RUBCN: variants seen among roughly 807,000 people sequenced by gnomAD.
The protein encoded by RUBCN is run domain Beclin-1-interacting and cysteine-rich domain-containing protein.
A neutral mutation model predicts 113.2 loss-of-function variants in RUBCN; 74 were observed. The ratio of observed to expected loss-of-function variants is 0.65; its 90% CI spans 0.54 to 0.79. RUBCN has a LOEUF of 0.79. RUBCN is among the 30% of genes least tolerant of loss of function. The pLI, the probability that RUBCN is intolerant of heterozygous loss-of-function variation, is 0.00. For missense variants in RUBCN, 1,109 were observed against 1,251.7 expected (o/e 0.89, Z 1.72); for synonymous variants, 480 against 490.0 (o/e 0.98, Z 0.27).
Position 197,681,020 on chromosome 3 carries a change from G to A in RUBCN, c.2430+109C>T, listed in dbSNP as rs1285837445. 1.5e-6 allele frequency: 1 copy of A among 649,430 alleles called. No homozygotes were observed. The highest frequency in any genetic ancestry group is 2.8e-6 in the Non-Finnish European group (1 of 358,090). 40.2% of individuals were successfully genotyped at this position (649,430 alleles called of 1,614,324 possible). ...GAGGAGACGAGGGGAGGGGATGGGG[G>A]GAGGGGACAAGAGGAGGGGATGGGG... On this transcript the variant is annotated intron_variant, in intron 16 of 19. Transcript: ENST00000296343. This position sits in a 1 kb window ranked among gnomAD's most constrained non-coding sequence, Gnocchi z 5.5.
rs1351934052 is a variant in RUBCN at position 197,675,407 on chromosome 3, T to G, written c.2740+15A>C. 1 of 1,607,686 alleles carries G rather than the reference T, an allele frequency of 6.2e-7. No homozygotes were observed. Among genetic ancestry groups the G allele is most frequent in the Non-Finnish European group, 8.5e-7 (1 of 1,174,598 alleles). On this transcript the variant is annotated intron_variant, in intron 19 of 19. Coordinates refer to ENST00000296343, the MANE Select transcript of RUBCN (RefSeq NM_014687.4). The surrounding 1 kb of genome is among the most constrained non-coding windows in gnomAD (Gnocchi z 4.4). ...TGTTCAGGCTCACTTGCCCGATGCC[T>G]GCACCTGCCCTCACCTTCACAGGTC...
chr3:197,672,402 C>T lies in RUBCN; in HGVS notation c.*2616G>A, dbSNP rs528465406. ...GGTAACTTGCAAAGTGCTTCCAAAA[C>T]ATCCCATCCTCTACCCACTTCCCCC... On this transcript the variant is annotated 3_prime_UTR_variant, in exon 20 of 20. Coordinates refer to ENST00000296343, the MANE Select transcript of RUBCN (RefSeq NM_014687.4). 1 of 152,332 alleles carries T rather than the reference C, an allele frequency of 6.6e-6. No homozygotes were observed. Among genetic ancestry groups the T allele is most frequent in the Admixed American group, 6.5e-5 (1 of 15,302 alleles). 9.4% of individuals were successfully genotyped at this position (152,332 alleles called of 1,614,324 possible).
chr3:197,726,730 C>T (rs553014079), intron 1 of RUBCN, among the ~76,000 whole-genome samples: 87 of 151,442 alleles, frequency 5.7e-4, no homozygotes, highest in African/African-American at 1.7e-3. Context: ...TTAGTAGAGA[C>T]GGGGTTTCAC....
At chr3:197,702,299 A>G (rs1325083910) in intron 5 of RUBCN, among the ~76,000 whole-genome samples, 2 of 152,262 alleles carry the variant, frequency 1.3e-5, no homozygotes, top group Non-Finnish European at 2.9e-5. Flanking sequence ...ATGACATGAT[A>G]CATTTATCAT....
intron 12 of RUBCN, 144 bp downstream of exon 12, chr3:197,684,013 G>A (rs949870169): frequency 1.7e-5 from 11 of 656,710 alleles, no homozygotes; most frequent in East Asian, 1.1e-4. Context: ...CCGTGGGCTC[G>A]GCACCATCAG....
At chr3:197,697,674 G>A (rs967909845) in intron 7 of RUBCN, among the ~76,000 whole-genome samples, 5 of 152,302 alleles carry the variant, frequency 3.3e-5, no homozygotes, top group Middle Eastern at 3.4e-3. Context: ...GGAAGAGCGA[G>A]AGCTGGGAGG....
At position 197,700,942 on chromosome 3, in the gene RUBCN, T is replaced by A; in HGVS notation, c.932A>T (p.Gln311Leu). The change falls in exon 7 of 20, where the codon CAG becomes CTG. Residue 311 changes from glutamine (Q) to leucine (L), a missense_variant. This residue lies in a region of RUBCN where 736 missense variants were observed against 779.6 expected (regional missense o/e 0.94). Transcript: ENST00000296343. ...ACTGGCATCACCTGGGGAATCATTCTGGCTGCTGACCCAGGATGCCTCTAT... is the reference window on the plus strand; with the variant it reads ...ACTGGCATCACCTGGGGAATCATTCAGGCTGCTGACCCAGGATGCCTCTAT... ...SPIEASWVSS[Q>L]NDSPGDASEG... The A allele has an allele frequency of 6.2e-7, 1 of 1,614,238 alleles. No individual in the cohort carries two copies. The highest frequency in any genetic ancestry group is 1.1e-5 in the South Asian group (1 of 91,084).
At chr3:197,735,703 C>T (rs1188532209) in intron 1 of RUBCN, among the ~76,000 whole-genome samples, 3 of 152,022 alleles carry the variant, frequency 2.0e-5, no homozygotes, top group Admixed American at 6.6e-5. Flanking sequence ...GTGATCCTCT[C>T]GCCTCAGCCT....
Position 197,700,743 on chromosome 3 carries a change from C to T in RUBCN, c.1131G>A (p.Glu377=). ...SSLGDQEGGG[E]SQLSSVLRRS... Reference sequence around the variant, plus strand: ...TGCGGAGGACACTGGACAGCTGGCTCTCCCCACCTCCTTCCTGGTCCCCTA... The same window carrying T: ...TGCGGAGGACACTGGACAGCTGGCTTTCCCCACCTCCTTCCTGGTCCCCTA... The change falls in exon 7 of 20, where the codon GAG becomes GAA. Residue 377 remains glutamate, a synonymous_variant. Coordinates refer to ENST00000296343, the MANE Select transcript of RUBCN (RefSeq NM_014687.4). The T allele has an allele frequency of 6.2e-7, 1 of 1,614,222 alleles. No individual in the cohort carries two copies. Among genetic ancestry groups the T allele is most frequent in the East Asian group, 2.2e-5 (1 of 44,886 alleles).
At chr3:197,677,215 G>C (rs554579377) in intron 17 of RUBCN, among the ~76,000 whole-genome samples, 177 bp from the exon 18 acceptor site, 12 of 152,366 alleles carry the variant, frequency 7.9e-5, no homozygotes, top group Non-Finnish European at 7.3e-5. Context: ...TGGCAGGAGT[G>C]ACTGATTTAT....
At chr3:197,721,587 A>G (rs950219741) in intron 1 of RUBCN, among the ~76,000 whole-genome samples, 10 of 151,628 alleles carry the variant, frequency 6.6e-5, no homozygotes, top group Admixed American at 5.9e-4. Context: ...TTCATTCTCT[A>G]TTTCATTTAT....
At chr3:197,692,050 G>A (rs1156576550) in intron 11 of RUBCN, among the ~76,000 whole-genome samples, 2 of 151,994 alleles carry the variant, frequency 1.3e-5, no homozygotes, top group Admixed American at 6.6e-5. Context: ...CACAATTGGG[G>A]CAATTGGGGG....
rs1284135556 is a variant in RUBCN, at chr3:197,706,856, G to C, written c.220-1681C>G. Reference sequence around the variant, plus strand: ...TCGCCTCTATACTGCGAGGGTAGAAGTGAGAACCGGAAATGTCAGATGTGC... The same window carrying C: ...TCGCCTCTATACTGCGAGGGTAGAACTGAGAACCGGAAATGTCAGATGTGC... On this transcript the variant is annotated intron_variant, in intron 2 of 19. Coordinates refer to ENST00000296343, the MANE Select transcript of RUBCN (RefSeq NM_014687.4). 2.0e-5 allele frequency among the ~76,000 whole-genome samples: 3 copies of C among 152,194 alleles called. No individual in the cohort carries two copies. In the East Asian group the frequency reaches 5.8e-4, roughly 29 times the overall value.
chr3:197,676,268 G>A (rs372941866), intron 18 of RUBCN: 5 of 990,680 alleles, frequency 5.0e-6, no homozygotes, highest in African/African-American at 1.7e-5. Context: ...AACAAATGAC[G>A]GCCGAGGGTA....
intron 1 of RUBCN, among the ~76,000 whole-genome samples, chr3:197,745,622 A>AC (rs1258024180): frequency 6.6e-6 from 1 of 150,884 alleles, no homozygotes; most frequent in African/African-American, 2.4e-5. Flanking sequence ...TCTCAAAAAA[A>AC]AAAAGGCAAA....
At chr3:197,713,723 T>G (rs1725203160) in intron 2 of RUBCN, among the ~76,000 whole-genome samples, 1 of 151,700 alleles carries the variant, frequency 6.6e-6, no homozygotes, top group Non-Finnish European at 1.5e-5. Flanking sequence ...CAGATGAAAC[T>G]GCTTCAGGAA....
intron 1 of RUBCN, among the ~76,000 whole-genome samples, chr3:197,733,377 G>A (rs1006518058): frequency 1.3e-5 from 2 of 152,170 alleles, no homozygotes; most frequent in Non-Finnish European, 2.9e-5. Context: ...AGCTACTGAG[G>A]AGGCTGAGGT....
chr3:197,692,092 G>A (rs1227967272), intron 11 of RUBCN, among the ~76,000 whole-genome samples: 1 of 152,058 alleles, frequency 6.6e-6, no homozygotes, highest in East Asian at 1.9e-4. Flanking sequence ...TCATTAGAGG[G>A]TTAGAGCTTT....
chr3:197,700,640 T>C lies in RUBCN; in HGVS notation c.1234A>G (p.Thr412Ala), dbSNP rs1456118480. 3 of 1,614,154 alleles carry C rather than the reference T, an allele frequency of 1.9e-6. No individual in the cohort carries two copies. Among genetic ancestry groups the C allele is most frequent in the Non-Finnish European group, 2.5e-6 (3 of 1,180,014 alleles). Residue 412 changes from threonine to alanine, a missense_variant, in exon 7 of 20, where the codon ACC becomes GCC. This residue lies in a region of RUBCN where 736 missense variants were observed against 779.6 expected (regional missense o/e 0.94). Coordinates refer to ENST00000296343, the MANE Select transcript of RUBCN (RefSeq NM_014687.4). ...GGAGCTCCCCTGGAGGCAATGCTGG[T>C]ATCCGAATGGGAGCGAATGTGGCTT... ...KKSHIRSHSD[T>A]SIASRGAPES... is the part of the protein sequence containing the mutation.
Sources: gnomAD v4.1 joint callset for allele counts (sites outside exome capture counted in the v4.1 genomes callset) on GRCh38, gnomAD v4.1.1 for gene constraint, gnomAD v4.1.1 regional missense constraint, Gnocchi (gnomAD v3.1) non-coding constraint, MANE v1.5 for transcripts, NCBI Gene and HGNC (gene_info 2026-07-23, HGNC 2026-07-21) for gene names.